The following USP3 variants were observed in gnomAD, a reference collection of about 807,000 sequenced individuals.
USP3 encodes ubiquitin carboxyl-terminal hydrolase 3.
A neutral mutation model predicts 72.3 loss-of-function variants in USP3; 20 were observed. The ratio of observed to expected loss-of-function variants is 0.28; its 90% CI spans 0.19 to 0.40. USP3 has a LOEUF of 0.40. Among genes scored for constraint, USP3 ranks in the 10% least tolerant of loss-of-function variants. The pLI, the probability that USP3 is intolerant of heterozygous loss-of-function variation, is 1.00. For missense variants in USP3, 479 were observed against 633.9 expected, an observed-to-expected ratio of 0.76 and a Z score of 2.62; for synonymous variants, 222 against 225.3, an observed-to-expected ratio of 0.99 and a Z score of 0.13.
chr15:63,524,898 C>A (rs1328507351), intron 1 of USP3, among the ~76,000 whole-genome samples: 1 of 152,146 alleles, frequency 6.6e-6, no homozygotes, highest in East Asian at 1.9e-4. Flanking sequence ...TGCCCAGATT[C>A]GGAGAATGAG....
intron 4 of USP3, among the ~76,000 whole-genome samples, chr15:63,555,447 A>T (rs2066494260): frequency 6.6e-6 from 1 of 151,756 alleles, no homozygotes; most frequent in African/African-American, 2.4e-5. Context: ...TGCAACTGAG[A>T]CACTGAATTT....
rs550770663 is a variant in USP3 at position 63,592,727 on chromosome 15, C to A, written c.*1901C>A. Reference sequence around the variant, plus strand: ...CTAGCATTACAGGCATGAGCCACCACGCCCAGCCTGTTCTATTAAAAACAT... The same window carrying A: ...CTAGCATTACAGGCATGAGCCACCAAGCCCAGCCTGTTCTATTAAAAACAT... On this transcript the variant is annotated 3_prime_UTR_variant, in exon 15 of 15. Transcript: ENST00000380324. 6.6e-6 allele frequency: 1 copy of A among 151,626 alleles called. No homozygotes were observed. The highest frequency in any genetic ancestry group is 1.5e-5 in the Non-Finnish European group (1 of 67,948). 9.4% of individuals were successfully genotyped at this position (151,626 alleles called of 1,614,324 possible). A position where few individuals can be genotyped will look rare whatever the true frequency, so the allele number is the denominator to read the frequency against.
At chr15:63,546,780 G>A (rs1281864663) in intron 3 of USP3, among the ~76,000 whole-genome samples, 1 of 151,774 alleles carries the variant, frequency 6.6e-6, no homozygotes, top group Non-Finnish European at 1.5e-5. Flanking sequence ...TTTGGGTGGG[G>A]GGTATTTTTA....
At chr15:63,548,258 G>T (rs12910209) in intron 3 of USP3, among the ~76,000 whole-genome samples, 116,557 of 151,086 alleles carry the variant, frequency 0.77, 46,437 homozygotes, top group African/African-American at 0.84. Context: ...GCCTCCCAAG[G>T]AGCTGGGAGG....
chr15:63,514,816 C>T (rs1359941699), intron 1 of USP3, among the ~76,000 whole-genome samples: 1 of 152,104 alleles, frequency 6.6e-6, no homozygotes, highest in African/African-American at 2.4e-5. Flanking sequence ...ACATTTATGA[C>T]CTGATTCATG....
At chr15:63,583,785 G>A (rs746332738) in intron 11 of USP3, among the ~76,000 whole-genome samples, 2 of 152,126 alleles carry the variant, frequency 1.3e-5, no homozygotes, top group Non-Finnish European at 2.9e-5. Flanking sequence ...CATCCATGTT[G>A]TAAGCATGTC....
chr15:63,573,926 A>G (rs1595762882), intron 9 of USP3, 120 bp from the exon 10 acceptor site: 2 of 509,854 alleles, frequency 3.9e-6, no homozygotes, highest in East Asian at 7.0e-5. Context: ...GAAATAAATG[A>G]CTTAAATATT....
rs1566913953 is a variant in USP3 at position 63,574,412 on chromosome 15, A to T, written c.1096+9A>T. 6.3e-7 allele frequency: 1 copy of T among 1,593,104 alleles called. No homozygotes were observed. On this transcript the variant is annotated intron_variant, in intron 11 of 14. Transcript: ENST00000380324. The surrounding 1 kb of genome is among the most constrained non-coding windows in gnomAD (Gnocchi z 4.6). ...AGTTTGTTCGTTACGAGGTAAAGATACTTGAATGTTCTAAAAATTTTTTTC... is the reference window on the plus strand; with the variant it reads ...AGTTTGTTCGTTACGAGGTAAAGATTCTTGAATGTTCTAAAAATTTTTTTC...
intron 3 of USP3, among the ~76,000 whole-genome samples, chr15:63,546,708 T>TCCTG (rs2066333866): frequency 6.6e-6 from 1 of 152,180 alleles, no homozygotes; most frequent in South Asian, 2.1e-4. Flanking sequence ...CACGCCATTC[T>TCCTG]CCTGCCTCAG....
intron 1 of USP3, 118 bp from the exon 2 acceptor site, chr15:63,532,529 T>C: frequency 8.3e-7 from 1 of 1,204,604 alleles, no homozygotes. Context: ...AAGCACGGAT[T>C]TGCAACTTCA....
In USP3 at chr15:63,570,529, A is replaced by G. The variant is rs1196205571; in HGVS notation, c.858A>G (p.Ser286=). The G allele has an allele frequency of 3.1e-6, 5 of 1,614,090 alleles. No homozygotes were observed. The highest frequency in any genetic ancestry group is 8.5e-7 in the Non-Finnish European group (1 of 1,180,024). The change falls in exon 9 of 15, where the codon TCA becomes TCG. Residue 286 remains serine, a synonymous_variant. Coordinates refer to ENST00000380324, the MANE Select transcript of USP3 (RefSeq NM_006537.4). This position sits in a 1 kb window ranked among gnomAD's most constrained non-coding sequence, Gnocchi z 4.4. The stretch of plus-strand genomic sequence containing the variant: ...GCGGTTTCAACGGTGTTTCCCGCTC[A>G]GCAATTCTGCAGGAGAATTCTACTC... ...LQGGFNGVSR[S]AILQENSTLS...
At position 63,544,499 on chromosome 15, in the gene USP3, G is replaced by A; in HGVS notation, c.284+7343G>A. 1 of 538,432 alleles carries A rather than the reference G, an allele frequency of 1.9e-6. No homozygotes were observed. Among genetic ancestry groups the A allele is most frequent in the South Asian group, 2.6e-5 (1 of 39,038 alleles). 33.4% of individuals were successfully genotyped at this position (538,432 alleles called of 1,614,324 possible). A position where few individuals can be genotyped will look rare whatever the true frequency, so the allele number is the denominator to read the frequency against. On this transcript the variant is annotated intron_variant, in intron 3 of 14. Transcript: ENST00000380324. This position sits in a 1 kb window ranked among gnomAD's most constrained non-coding sequence, Gnocchi z 4.2. ...AGTGTTTTGTCTTTTAGAATTAGAGGGGGCAAGTAGTGCAGGGCAAAAACA... is the reference window on the plus strand; with the variant it reads ...AGTGTTTTGTCTTTTAGAATTAGAGAGGGCAAGTAGTGCAGGGCAAAAACA...
intron 8 of USP3, among the ~76,000 whole-genome samples, chr15:63,567,761 G>A (rs1052858357): frequency 5.3e-5 from 8 of 152,214 alleles, no homozygotes; most frequent in Non-Finnish European, 1.0e-4. Flanking sequence ...GATTTGAGGC[G>A]TGAGCCACCA....
Position 63,589,001 on chromosome 15 carries a change from C to G in USP3, c.1387C>G (p.His463Asp). Reference sequence around the variant, plus strand: ...TGACCTCGCCGCTGTGGTGGTGCACCATGGTTCCGGGTGAGTACAACAGCC... The same window carrying G: ...TGACCTCGCCGCTGTGGTGGTGCACGATGGTTCCGGGTGAGTACAACAGCC... ...LYDLAAVVVH[H>D]GSGVGSGHYT... is the part of the protein sequence containing the mutation. The change falls in exon 14 of 15, where the codon CAT becomes GAT. Residue 463 changes from histidine (H) to aspartate (D), a missense_variant. Coordinates refer to ENST00000380324, the MANE Select transcript of USP3 (RefSeq NM_006537.4). 1 of 1,613,522 alleles carries G rather than the reference C, an allele frequency of 6.2e-7. No homozygotes were observed. Among genetic ancestry groups the G allele is most frequent in the Non-Finnish European group, 8.5e-7 (1 of 1,180,034 alleles).
Position 63,553,509 on chromosome 15 carries a change from G to A in USP3, c.285-206G>A. 2.5e-6 allele frequency: 1 copy of A among 397,140 alleles called. No individual in the cohort carries two copies. The highest frequency in any genetic ancestry group is 4.5e-6 in the Non-Finnish European group (1 of 223,134). The allele number at this position is 397,140 out of a possible 1,614,324, so 24.6% of individuals were successfully genotyped here. On this transcript the variant is annotated intron_variant, in intron 3 of 14. Coordinates refer to ENST00000380324, the MANE Select transcript of USP3 (RefSeq NM_006537.4). This position sits in a 1 kb window ranked among gnomAD's most constrained non-coding sequence, Gnocchi z 4.2. ...TTTTGAGTAAAAAACGTGAAAAGAAGCTCATGTTCATTGCCTACGTGGCTT... is the reference window on the plus strand; with the variant it reads ...TTTTGAGTAAAAAACGTGAAAAGAAACTCATGTTCATTGCCTACGTGGCTT...
intron 1 of USP3, among the ~76,000 whole-genome samples, chr15:63,509,119 G>C (rs1046009490): frequency 1.3e-5 from 2 of 152,032 alleles, no homozygotes; most frequent in African/African-American, 4.8e-5. Context: ...TGGAGTGATG[G>C]GTTATTTTGT....
In USP3 at chr15:63,570,524, C is replaced by A; in HGVS notation, c.853C>A (p.Arg285Ser). The A allele has an allele frequency of 6.2e-7, 1 of 1,614,154 alleles. No individual in the cohort carries two copies. The highest frequency in any genetic ancestry group is 8.5e-7 in the Non-Finnish European group (1 of 1,180,004). ...TCAGGGCGGTTTCAACGGTGTTTCC[C>A]GCTCAGCAATTCTGCAGGAGAATTC... ...ELQGGFNGVS[R>S]SAILQENSTL... is the part of the protein sequence containing the mutation. Residue 285 changes from arginine (R) to serine (S), a missense_variant, in exon 9 of 15, where the codon CGC becomes AGC. Transcript: ENST00000380324. The surrounding 1 kb of genome is among the most constrained non-coding windows in gnomAD (Gnocchi z 4.4).
chr15:63,520,612 G>A lies in USP3; in HGVS notation c.92-12035G>A, dbSNP rs181733869. 3.6e-3 allele frequency among the ~76,000 whole-genome samples: 498 copies of A among 138,046 alleles called. 1 individual carries two copies. The highest frequency in any genetic ancestry group is 5.7e-3 in the Admixed American group (74 of 12,872). The allele number at this position is 138,046 out of a possible 152,430, so 90.6% of individuals were successfully genotyped here. A position where few individuals can be genotyped will look rare whatever the true frequency, so the allele number is the denominator to read the frequency against. ...GGAGTTTTGCTCTTGTCCCCAGGCC[G>A]GAGTGCAATGATGCAATCTCGGCTC... On this transcript the variant is annotated intron_variant, in intron 1 of 14. Coordinates refer to ENST00000380324, the MANE Select transcript of USP3 (RefSeq NM_006537.4).
At chr15:63,582,789 G>C (rs980046425) in intron 11 of USP3, among the ~76,000 whole-genome samples, 2 of 152,160 alleles carry the variant, frequency 1.3e-5, no homozygotes, top group African/African-American at 2.4e-5. Context: ...CAGGAAGGAA[G>C]GCTGCGAGAG....
Sources: gnomAD v4.1 joint callset for allele counts (sites outside exome capture counted in the v4.1 genomes callset) on GRCh38, gnomAD v4.1.1 for gene constraint, Gnocchi (gnomAD v3.1) non-coding constraint, MANE v1.5 for transcripts, NCBI Gene and HGNC (gene_info 2026-07-23, HGNC 2026-07-21) for gene names.